RFX8: variants seen among roughly 807,000 people sequenced by gnomAD.
RFX8 encodes the protein regulatory factor X8, also known as DNA-binding protein RFX8.
Under a neutral mutation model 54.6 loss-of-function variants are expected in RFX8, and 46 were observed. The ratio of observed to expected loss-of-function variants is 0.84; its 90% CI spans 0.67 to 1.08. The LOEUF (loss-of-function observed/expected upper bound fraction) is 1.08, where lower values mean the gene tolerates loss of function less well. RFX8 is among the 50% of genes least tolerant of loss of function. The probability of loss-of-function intolerance (pLI) is 0.00; values close to 1 mark genes in which losing one functional copy is unlikely to be tolerated. For missense variants in RFX8, 536 were observed against 562.3 expected, an observed-to-expected ratio of 0.95 and a Z score of 0.47; for synonymous variants, 192 against 209.5, an observed-to-expected ratio of 0.92 and a Z score of 0.72.
At chr2:101,404,780 G>A (rs1334437698) in intron 10 of RFX8, among the ~76,000 whole-genome samples, 1 of 152,248 alleles carries the variant, frequency 6.6e-6, no homozygotes, top group East Asian at 1.9e-4. Context: ...TCTCTGCTCT[G>A]AAAGAGCAGG....
chr2:101,406,611 G>A (rs979594761), intron 9 of RFX8, among the ~76,000 whole-genome samples: 2 of 152,048 alleles, frequency 1.3e-5, no homozygotes, highest in African/African-American at 2.4e-5. Flanking sequence ...AAAGGCACTG[G>A]GATTAGAGGC....
At chr2:101,415,116 A>G (rs1686415980) in intron 6 of RFX8, among the ~76,000 whole-genome samples, 1 of 152,064 alleles carries the variant, frequency 6.6e-6, no homozygotes, top group Non-Finnish European at 1.5e-5. Context: ...CATGTGCCAG[A>G]AAAATTAAGT....
intron 2 of RFX8, among the ~76,000 whole-genome samples, chr2:101,425,715 T>C (rs1687132755): frequency 6.6e-6 from 1 of 152,198 alleles, no homozygotes; most frequent in Admixed American, 6.5e-5. Context: ...AGAATTGTTC[T>C]TTCACAAACA....
At chr2:101,404,611 G>A (rs997482783) in intron 10 of RFX8, among the ~76,000 whole-genome samples, 6 of 150,282 alleles carry the variant, frequency 4.0e-5, no homozygotes, top group African/African-American at 1.5e-4. Context: ...TTTTTTCGTA[G>A]TGACAGGGTT....
At chr2:101,409,897 C>T (rs1452383405) in intron 9 of RFX8, among the ~76,000 whole-genome samples, 4 of 152,154 alleles carry the variant, frequency 2.6e-5, no homozygotes, top group Non-Finnish European at 5.9e-5. Context: ...TCTCAGCTCT[C>T]CACTGCCCCC....
chr2:101,469,034 A>ACG (rs1558896274), intron 1 of RFX8, among the ~76,000 whole-genome samples: 9 of 56,378 alleles, frequency 1.6e-4, no homozygotes, highest in African/African-American at 5.3e-4. Flanking sequence ...ATATATACGT[A>ACG]TATATATGTA....
chr2:101,443,759 T>C (rs952766597), intron 2 of RFX8, among the ~76,000 whole-genome samples: 3 of 151,910 alleles, frequency 2.0e-5, no homozygotes, highest in Non-Finnish European at 4.4e-5. Context: ...AGGCATAAAA[T>C]CCAAAGAAAA....
intron 6 of RFX8, among the ~76,000 whole-genome samples, chr2:101,416,960 C>G (rs1442188803): frequency 6.6e-6 from 1 of 152,060 alleles, no homozygotes; most frequent in African/African-American, 2.4e-5. Flanking sequence ...GTGAGAATGC[C>G]CTGGTGAATA....
chr2:101,471,115 C>T (rs527286048), intron 1 of RFX8, among the ~76,000 whole-genome samples: 32 of 151,954 alleles, frequency 2.1e-4, no homozygotes, highest in African/African-American at 7.2e-4. Context: ...GGGCAGATCA[C>T]CTGAGGTCAG....
At chr2:101,456,343 G>A (rs1306157729) in intron 2 of RFX8, among the ~76,000 whole-genome samples, 1 of 152,178 alleles carries the variant, frequency 6.6e-6, no homozygotes, top group Non-Finnish European at 1.5e-5. Context: ...GATATTGGCT[G>A]TGGATTTGTC....
At chr2:101,426,378 G>A (rs992357500) in intron 2 of RFX8, among the ~76,000 whole-genome samples, 1 of 152,028 alleles carries the variant, frequency 6.6e-6, no homozygotes, top group African/African-American at 2.4e-5. Context: ...ACATTTCTGG[G>A]CATGGTGACA....
At chr2:101,408,369 C>T (rs944383166) in intron 9 of RFX8, among the ~76,000 whole-genome samples, 2 of 152,106 alleles carry the variant, frequency 1.3e-5, no homozygotes, top group Non-Finnish European at 2.9e-5. Flanking sequence ...CCTGTAGTCT[C>T]AGCTACTCGG....
At chr2:101,429,928 C>A (rs898289052) in intron 2 of RFX8, among the ~76,000 whole-genome samples, 2 of 152,106 alleles carry the variant, frequency 1.3e-5, no homozygotes, top group Non-Finnish European at 2.9e-5. Flanking sequence ...TACGTCCTCC[C>A]CAGCCTCTTG....
chr2:101,409,247 G>C (rs1055660603), intron 9 of RFX8, among the ~76,000 whole-genome samples: 1 of 152,146 alleles, frequency 6.6e-6, no homozygotes. Flanking sequence ...TTTTGAGACA[G>C]AGTGTTGCTC....
At chr2:101,427,952 G>C (rs777862705) in intron 2 of RFX8, among the ~76,000 whole-genome samples, 1 of 152,088 alleles carries the variant, frequency 6.6e-6, no homozygotes, top group South Asian at 2.1e-4. Flanking sequence ...TATCTGTTAC[G>C]GACAGAATGT....
chr2:101,457,178 T>C (rs1689020519), intron 2 of RFX8, among the ~76,000 whole-genome samples: 1 of 152,236 alleles, frequency 6.6e-6, no homozygotes, highest in African/African-American at 2.4e-5. Flanking sequence ...ATTGATTTTT[T>C]TGAAGGGTTT....
At chr2:101,470,978 CA>C (rs1365212034) in intron 1 of RFX8, among the ~76,000 whole-genome samples, 4 of 150,034 alleles carry the variant, frequency 2.7e-5, no homozygotes, top group Non-Finnish European at 5.9e-5. Flanking sequence ...CTTGGCCTCC[CA>C]AAGTGCTGGG....
At chr2:101,439,949 A>G (rs1460652504) in intron 2 of RFX8, among the ~76,000 whole-genome samples, 1 of 152,022 alleles carries the variant, frequency 6.6e-6, no homozygotes, top group Non-Finnish European at 1.5e-5. Flanking sequence ...GTACCACCCC[A>G]TCCTGATTGC....
intron 11 of RFX8, among the ~76,000 whole-genome samples, chr2:101,402,190 C>A (rs553997651): frequency 6.6e-6 from 1 of 152,314 alleles, no homozygotes; most frequent in East Asian, 1.9e-4. Flanking sequence ...GCAAGAAATA[C>A]CCAGGCCATC....
Sources: allele counts gnomAD v4.1 joint callset (sites outside exome capture counted in the v4.1 genomes callset), GRCh38; gene constraint gnomAD v4.1.1; transcripts MANE v1.5; gene names NCBI Gene and HGNC (gene_info 2026-07-23, HGNC 2026-07-21).